SAMD5: variants seen among roughly 807,000 people sequenced by gnomAD.
SAMD5 encodes the protein sterile alpha motif domain containing 5.
In SAMD5, 13 loss-of-function variants were observed where a neutral mutation model predicts 11.3. The ratio of observed to expected loss-of-function variants is 1.15; its 90% confidence interval spans 0.75 to 1.83. The LOEUF (loss-of-function observed/expected upper bound fraction) is 1.83, where lower values mean the gene tolerates loss of function less well. Among genes scored for constraint, SAMD5 ranks in the 40% most tolerant of loss-of-function variants. SAMD5 has a pLI of 0.00. For synonymous variants in SAMD5, 129 were observed against 111.3 expected (o/e 1.16, Z -1.00); for missense variants, 255 against 239.1 (o/e 1.07, Z -0.44).
At chr6:147,868,157 G>C in the SAMD5 span, among the ~76,000 whole-genome samples, 3 of 152,190 alleles carry the variant, frequency 2.0e-5, no homozygotes, top group Admixed American at 2.0e-4. Context: ...AAAGAATATG[G>C]AGCAGATGAA....
intron 1 of SAMD5, among the ~76,000 whole-genome samples, chr6:147,624,297 C>T (rs778039498): frequency 5.3e-5 from 8 of 152,176 alleles, no homozygotes; most frequent in Non-Finnish European, 1.0e-4. Context: ...AGGGCATGCT[C>T]GCTTCCCCCA....
chr6:147,853,633 T>C, the SAMD5 span, among the ~76,000 whole-genome samples: 1 of 152,264 alleles, frequency 6.6e-6, no homozygotes, highest in Non-Finnish European at 1.5e-5. Context: ...TGAGAATTTT[T>C]TTTTTTTTTA....
At chr6:147,828,343 G>A in the SAMD5 span, among the ~76,000 whole-genome samples, 3 of 152,216 alleles carry the variant, frequency 2.0e-5, no homozygotes. Context: ...AGTTGTGATG[G>A]TTAATATTGA....
At chr6:147,521,709 G>C (rs1033072735) in intron 1 of SAMD5, among the ~76,000 whole-genome samples, 3 of 152,022 alleles carry the variant, frequency 2.0e-5, no homozygotes, top group Non-Finnish European at 2.9e-5. Context: ...CAGAACATCT[G>C]ACTAATATTT....
At chr6:147,892,474 A>G in the SAMD5 span, among the ~76,000 whole-genome samples, 1 of 152,026 alleles carries the variant, frequency 6.6e-6, no homozygotes, top group Non-Finnish European at 1.5e-5. Context: ...TATGAATTAA[A>G]CTCCCTGGGT....
chr6:147,580,966 A>G (rs189233537), intron 1 of SAMD5, among the ~76,000 whole-genome samples: 216 of 152,244 alleles, frequency 1.4e-3, no homozygotes, highest in Non-Finnish European at 2.1e-3. Context: ...TTTTATTCTA[A>G]TCTACCTCTT....
At chr6:147,741,269 C>G (rs1389955128), downstream of SAMD5, among the ~76,000 whole-genome samples, 1 of 152,120 alleles carries the variant, frequency 6.6e-6, no homozygotes. Flanking sequence ...CAGACCGTGC[C>G]AAGTTCCTGA....
the SAMD5 span, among the ~76,000 whole-genome samples, chr6:147,810,647 C>T: frequency 0.13 from 19,632 of 152,162 alleles, 1,552 homozygotes; most frequent in East Asian, 0.33. Flanking sequence ...AACAAATAGG[C>T]AGCCATCAAC....
the SAMD5 span, among the ~76,000 whole-genome samples, chr6:147,783,953 T>C: frequency 6.6e-6 from 1 of 152,132 alleles, no homozygotes; most frequent in Admixed American, 6.5e-5. Flanking sequence ...GTGCCTGCCA[T>C]TGGAGTCCTC....
chr6:147,519,897 C>T (rs13211031), intron 1 of SAMD5, among the ~76,000 whole-genome samples: 8,491 of 152,204 alleles, frequency 0.056, 306 homozygotes, highest in Admixed American at 0.087. Flanking sequence ...AAATTGTCAG[C>T]AGGACATTTT....
chr6:147,666,787 T>C (rs1253294905), intron 1 of SAMD5, among the ~76,000 whole-genome samples: 1 of 152,196 alleles, frequency 6.6e-6, no homozygotes, highest in Admixed American at 6.5e-5. Flanking sequence ...AAAAAGTCCA[T>C]AGCATCCTCA....
chr6:147,932,439 G>A, the SAMD5 span, among the ~76,000 whole-genome samples: 4 of 152,126 alleles, frequency 2.6e-5, no homozygotes, highest in African/African-American at 4.8e-5. Context: ...GTCATCAGCA[G>A]TCATCAAAGG....
At chr6:147,873,995 A>C in the SAMD5 span, among the ~76,000 whole-genome samples, 2 of 152,254 alleles carry the variant, frequency 1.3e-5, no homozygotes, top group Non-Finnish European at 2.9e-5. Context: ...TCTCTTGAGA[A>C]CAAGTCATCA....
At chr6:147,859,700 G>A in the SAMD5 span, among the ~76,000 whole-genome samples, 4 of 151,982 alleles carry the variant, frequency 2.6e-5, no homozygotes, top group African/African-American at 4.8e-5. Flanking sequence ...TCTTCATTAG[G>A]TTGCATGTAA....
the SAMD5 span, among the ~76,000 whole-genome samples, chr6:147,902,449 A>G: frequency 6.6e-6 from 1 of 152,128 alleles, no homozygotes; most frequent in East Asian, 1.9e-4. Context: ...TGGTAATGAA[A>G]TAGAATTAAC....
At chr6:147,816,264 G>C in the SAMD5 span, among the ~76,000 whole-genome samples, 6 of 81,188 alleles carry the variant, frequency 7.4e-5, no homozygotes, top group Non-Finnish European at 2.2e-5. Flanking sequence ...TGGGCAACAA[G>C]AGTGAAACTC....
At chr6:147,771,142 A>G in the SAMD5 span, among the ~76,000 whole-genome samples, 3,346 of 152,300 alleles carry the variant, frequency 0.022, 128 homozygotes, top group African/African-American at 0.076. Flanking sequence ...CTCACCTACA[A>G]CAAGATGAAA....
rs540921726 is a variant in SAMD5, at chr6:147,582,832, C to A, written c.162+73445C>A. On this transcript the variant is annotated intron_variant, in intron 1 of 1. Transcript: ENST00000566741. ...AGTGAGGCTTGGGGTTGGGTCAGCACTGTGTTCATTGGCCCAGTGTTCATG... is the reference window on the plus strand; with the variant it reads ...AGTGAGGCTTGGGGTTGGGTCAGCAATGTGTTCATTGGCCCAGTGTTCATG... Among the ~76,000 whole-genome samples the A allele has an allele frequency of 2.0e-4, 31 of 152,320 alleles. No homozygotes were observed. The South Asian group carries it at 6.2e-3, about 31-fold the overall frequency.
chr6:147,900,178 A>G, the SAMD5 span, among the ~76,000 whole-genome samples: 1 of 152,194 alleles, frequency 6.6e-6, no homozygotes, highest in Non-Finnish European at 1.5e-5. Flanking sequence ...TAACAGCTGT[A>G]GAGCAAGTAT....
Sources: allele counts gnomAD v4.1 joint callset (sites outside exome capture counted in the v4.1 genomes callset), GRCh38; gene constraint gnomAD v4.1.1; transcripts MANE v1.5; gene names NCBI Gene and HGNC (gene_info 2026-07-23, HGNC 2026-07-21).